Variants in SLC25A29 observed in about 807,000 individuals in gnomAD.
The protein encoded by SLC25A29 is solute carrier family 25 member 29, also known as mitochondrial basic amino acids transporter.
A neutral mutation model predicts 10.0 loss-of-function variants in SLC25A29; 13 were observed. The observed-to-expected ratio is 1.30, with a 90% CI of 0.85 to 2.07. The LOEUF (loss-of-function observed/expected upper bound fraction) is 2.07, where lower values mean the gene tolerates loss of function less well. SLC25A29 is among the 30% of genes most tolerant of loss of function. The probability of loss-of-function intolerance (pLI) is 0.00; values close to 1 mark genes in which losing one functional copy is unlikely to be tolerated. For synonymous variants in SLC25A29, 244 were observed against 221.1 expected, an observed-to-expected ratio of 1.10 and a Z score of -0.92; for missense variants, 475 against 447.6, an observed-to-expected ratio of 1.06 and a Z score of -0.55.
chr14:100,280,948 A>C, the SLC25A29 span: 1 of 148,868 alleles, frequency 6.7e-6, no homozygotes, highest in Non-Finnish European at 1.5e-5. Flanking sequence ...AAGCCTGATA[A>C]TTTCGGGAGG....
rs115457798 is a variant in SLC25A29 at position 100,291,660 on chromosome 14, G to A, written c.*623C>T. On this transcript the variant is annotated 3_prime_UTR_variant, in exon 4 of 4. Coordinates refer to ENST00000359232, the MANE Select transcript of SLC25A29 (RefSeq NM_001039355.3). ...ATATGGTGCCTCCAGCAGACTCCATGGCTTCCCGGAGGGTGCAGGGTCCCC... is the reference window on the plus strand; with the variant it reads ...ATATGGTGCCTCCAGCAGACTCCATAGCTTCCCGGAGGGTGCAGGGTCCCC... The A allele has an allele frequency of 3.8e-3, 597 of 157,924 alleles. 6 individuals are homozygous for A. Among genetic ancestry groups the A allele is most frequent in the African/African-American group, 0.013 (541 of 41,590 alleles). 9.8% of individuals were successfully genotyped at this position (157,924 alleles called of 1,614,324 possible).
At chr14:100,303,004 A>G (rs1892665614) in intron 1 of SLC25A29, among the ~76,000 whole-genome samples, 1 of 152,078 alleles carries the variant, frequency 6.6e-6, no homozygotes, top group South Asian at 2.1e-4. Context: ...TCATCTCCAG[A>G]CCTGTTCCTT....
At chr14:100,301,916 C>A (rs187606740) in intron 1 of SLC25A29, among the ~76,000 whole-genome samples, 1 of 152,112 alleles carries the variant, frequency 6.6e-6, no homozygotes, top group Non-Finnish European at 1.5e-5. Context: ...AAGAGCTACC[C>A]GAAGAAGGCT....
At chr14:100,296,053 C>G in intron 2 of SLC25A29, 1 of 1,272,140 alleles carries the variant, frequency 7.9e-7, no homozygotes, top group Non-Finnish European at 1.0e-6. Flanking sequence ...TGTGACAGTA[C>G]GGACTGACAC....
At chr14:100,287,204 G>C (rs1891560443), downstream of SLC25A29, among the ~76,000 whole-genome samples, 1 of 152,270 alleles carries the variant, frequency 6.6e-6, no homozygotes, top group Non-Finnish European at 1.5e-5. Context: ...CCATGCACCT[G>C]ATGTCCAAAG....
At chr14:100,287,879 G>C (rs1411620023), downstream of SLC25A29, among the ~76,000 whole-genome samples, 1 of 152,196 alleles carries the variant, frequency 6.6e-6, no homozygotes, top group Non-Finnish European at 1.5e-5. Flanking sequence ...TGCTGAATGA[G>C]AGGAGTGTGA....
intron 1 of SLC25A29, among the ~76,000 whole-genome samples, chr14:100,304,630 C>T (rs1595375631): frequency 6.6e-6 from 1 of 151,964 alleles, no homozygotes; most frequent in Middle Eastern, 3.4e-3. Context: ...CCTTGACCCA[C>T]AAACCTGGGG....
chr14:100,290,417 C>T (rs1284936164), downstream of SLC25A29, among the ~76,000 whole-genome samples: 3 of 152,222 alleles, frequency 2.0e-5, no homozygotes, highest in South Asian at 4.1e-4. Context: ...GCTTCCTCCC[C>T]GCCTCCTGCC....
Position 100,292,363 on chromosome 14 carries a change from C to A in SLC25A29, c.832G>T (p.Gly278Cys). Residue 278 changes from glycine (G) to cysteine (C), a missense_variant, in exon 4 of 4, where the codon GGC becomes TGC. Transcript: ENST00000359232. Reference sequence around the variant, plus strand: ...TCGCCCTCGGGCCCGGCCTCCTCGCCGCGCGCGTAGGTGAGCACCACCGTG... The same window carrying A: ...TCGCCCTCGGGCCCGGCCTCCTCGCAGCGCGCGTAGGTGAGCACCACCGTG... Reference protein sequence around the residue: ...TVTVVLTYARGEEAGPEGEAV... With the variant: ...TVTVVLTYARCEEAGPEGEAV... 1 of 1,511,502 alleles carries A rather than the reference C, an allele frequency of 6.6e-7. No homozygotes were observed. The allele number at this position is 1,511,502 out of a possible 1,614,324, so 93.6% of individuals were successfully genotyped here. A position where few individuals can be genotyped will look rare whatever the true frequency, so the allele number is the denominator to read the frequency against.
chr14:100,295,145 G>C (rs1892051190), intron 2 of SLC25A29: 1 of 160,814 alleles, frequency 6.2e-6, no homozygotes, highest in African/African-American at 2.4e-5. Context: ...GCTGGGGAAT[G>C]TCAGGCTTAG....
intron 1 of SLC25A29, chr14:100,305,721 C>T (rs1424876356): frequency 6.5e-6 from 1 of 152,868 alleles, no homozygotes; most frequent in Non-Finnish European, 1.5e-5. Flanking sequence ...GGTTCAGTGC[C>T]CTCCAAGGCC....
the SLC25A29 span, chr14:100,280,501 G>A: frequency 6.6e-6 from 1 of 152,128 alleles, no homozygotes; most frequent in Non-Finnish European, 1.5e-5. Flanking sequence ...TCACCCCAGA[G>A]TGACATTTAT....
intron 1 of SLC25A29, among the ~76,000 whole-genome samples, chr14:100,302,165 C>A (rs1190845927): frequency 6.6e-6 from 1 of 151,880 alleles, no homozygotes; most frequent in African/African-American, 2.4e-5. Flanking sequence ...TGTGTTTCAG[C>A]CTCCCGAATA....
chr14:100,289,868 G>A (rs1891626118), downstream of SLC25A29, among the ~76,000 whole-genome samples: 6 of 151,670 alleles, frequency 4.0e-5, no homozygotes, highest in South Asian at 8.3e-4. Context: ...TCAAATCAGG[G>A]AGAAAAGAAA....
Position 100,296,090 on chromosome 14 carries a change from A to G in SLC25A29, c.79-2713T>C, listed in dbSNP as rs369303294. On this transcript the variant is annotated intron_variant, in intron 2 of 3. Transcript: ENST00000359232. ...GACTCGGGTGGCCCCTGATGATCCT[A>G]GGGTACAGCTGCAATTATATTCAAC... 45 of 1,163,968 alleles carry G rather than the reference A, an allele frequency of 3.9e-5. No individual in the cohort carries two copies. In the East Asian group the frequency reaches 2.2e-3, roughly 57 times the overall value. The allele number at this position is 1,163,968 out of a possible 1,614,324, so 72.1% of individuals were successfully genotyped here.
downstream of SLC25A29, among the ~76,000 whole-genome samples, chr14:100,286,814 C>G (rs1891553654): frequency 6.6e-6 from 1 of 152,254 alleles, no homozygotes; most frequent in African/African-American, 2.4e-5. Context: ...CAGGCCCCCT[C>G]TGGTTCTTGC....
At chr14:100,297,165 G>A (rs1029249248) in intron 2 of SLC25A29, among the ~76,000 whole-genome samples, 4 of 152,334 alleles carry the variant, frequency 2.6e-5, no homozygotes, top group Middle Eastern at 3.4e-3. Context: ...CTGCTGGAGC[G>A]ACAGAGTGGC....
At position 100,292,672 on chromosome 14, in the gene SLC25A29, G is replaced by A. The variant is rs746530806; in HGVS notation, c.523C>T (p.Leu175Phe). The change falls in exon 4 of 4, where the codon CTC becomes TTC. Residue 175 changes from leucine (L) to phenylalanine (F), a missense_variant. Leu to Phe is a conservative substitution (Grantham distance 22). Transcript: ENST00000359232. ...FGVYFLTYDA[L>F]TRALGCEPGD... ...GGCTCGCAGCCCAGCGCCCGCGTGA[G>A]AGCGTCATAGGTGAGGAAGTAGACG... 3 of 1,601,748 alleles carry A rather than the reference G, an allele frequency of 1.9e-6. No homozygotes were observed. Among genetic ancestry groups the A allele is most frequent in the Non-Finnish European group, 2.6e-6 (3 of 1,175,776 alleles).
At chr14:100,303,304 C>T (rs1892682799) in intron 1 of SLC25A29, among the ~76,000 whole-genome samples, 1 of 152,258 alleles carries the variant, frequency 6.6e-6, no homozygotes, top group South Asian at 2.1e-4. Context: ...CAGGGGGCCC[C>T]TCGAGGCCCC....
Sources: allele counts gnomAD v4.1 joint callset (sites outside exome capture counted in the v4.1 genomes callset), GRCh38; gene constraint gnomAD v4.1.1; transcripts MANE v1.5; gene names NCBI Gene and HGNC (gene_info 2026-07-23, HGNC 2026-07-21).